The following SLC5A4 variants were observed in gnomAD, a reference collection of about 807,000 sequenced individuals.
The protein encoded by SLC5A4 is solute carrier family 5 member 4, also known as probable glucose sensor protein SLC5A4.
Under a neutral mutation model 70.3 loss-of-function variants are expected in SLC5A4, and 55 were observed. That is an observed-to-expected ratio of 0.78 (90% CI 0.63 to 0.98). The LOEUF is 0.98. Among genes scored for constraint, SLC5A4 ranks in the 50% least tolerant of loss-of-function variants. The probability of loss-of-function intolerance (pLI) is 0.00; values close to 1 mark genes in which losing one functional copy is unlikely to be tolerated. For synonymous variants in SLC5A4, 268 were observed against 305.7 expected (o/e 0.88, Z 1.29); for missense variants, 735 against 839.2 (o/e 0.88, Z 1.53).
chr22:32,238,692 T>C (rs968695650), intron 6 of SLC5A4, among the ~76,000 whole-genome samples: 1 of 152,182 alleles, frequency 6.6e-6, no homozygotes, highest in East Asian at 1.9e-4. Flanking sequence ...GTGGATGATA[T>C]GCTGAATTCG....
At chr22:32,269,532 T>C in the SLC5A4 span, 2 of 615,014 alleles carry the variant, frequency 3.3e-6, no homozygotes, top group African/African-American at 3.7e-5. The surrounding 1 kb of genome is among the most constrained non-coding windows in gnomAD (Gnocchi z 4.1). Flanking sequence ...TGCTCCATCG[T>C]GGCCATCTTG....
chr22:32,339,684 T>C, the SLC5A4 span, among the ~76,000 whole-genome samples: 1 of 152,034 alleles, frequency 6.6e-6, no homozygotes, highest in Non-Finnish European at 1.5e-5. Flanking sequence ...CGAAAGACCT[T>C]CACAAATGGT....
the SLC5A4 span, among the ~76,000 whole-genome samples, chr22:32,343,737 C>T: frequency 6.6e-6 from 1 of 152,098 alleles, no homozygotes; most frequent in East Asian, 1.9e-4. Flanking sequence ...TGAGGCAGCA[C>T]TAGATAAATT....
chr22:32,292,236 ATATATAAT>A, the SLC5A4 span, among the ~76,000 whole-genome samples: 2 of 59,326 alleles, frequency 3.4e-5, no homozygotes, highest in East Asian at 3.6e-4. Flanking sequence ...TATATATTAT[ATATATAAT>A]ATATACTAGA....
chr22:32,237,164 A>T, intron 7 of SLC5A4, 80 bp downstream of exon 7: 1 of 962,936 alleles, frequency 1.0e-6, no homozygotes. Flanking sequence ...AAGGCATCCC[A>T]ATAAAGAGCA....
chr22:32,219,974 G>A (rs1011925373), intron 14 of SLC5A4, among the ~76,000 whole-genome samples: 1 of 151,240 alleles, frequency 6.6e-6, no homozygotes, highest in Non-Finnish European at 1.5e-5. Flanking sequence ...ATGAAAAAAT[G>A]GAAACTCTAA....
the SLC5A4 span, among the ~76,000 whole-genome samples, chr22:32,299,388 G>C: frequency 1.7e-4 from 22 of 128,638 alleles, no homozygotes; most frequent in Non-Finnish European, 3.0e-4. Flanking sequence ...TTCCCTTCTC[G>C]CTTCATTTCA....
chr22:32,330,653 G>A, the SLC5A4 span, among the ~76,000 whole-genome samples: 1 of 103,918 alleles, frequency 9.6e-6, no homozygotes, highest in Non-Finnish European at 1.9e-5. Flanking sequence ...CTCTGTATTG[G>A]GGCTCTGGTG....
At chr22:32,241,031 A>G (rs1250819447) in intron 5 of SLC5A4, among the ~76,000 whole-genome samples, 2 of 149,020 alleles carry the variant, frequency 1.3e-5, no homozygotes, top group African/African-American at 5.2e-5. Context: ...ATTAGATGAC[A>G]GGGTATTTCC....
At chr22:32,316,344 G>A in the SLC5A4 span, among the ~76,000 whole-genome samples, 1 of 152,132 alleles carries the variant, frequency 6.6e-6, no homozygotes, top group Non-Finnish European at 1.5e-5. Context: ...ATCAGACAAA[G>A]CTGAAGTCAG....
the SLC5A4 span, among the ~76,000 whole-genome samples, chr22:32,291,193 G>C: frequency 1.6e-4 from 13 of 81,946 alleles, no homozygotes; most frequent in East Asian, 4.4e-3. Context: ...TATATACTTT[G>C]TGTTTGACTG....
At chr22:32,317,416 GAAGA>G in the SLC5A4 span, among the ~76,000 whole-genome samples, 1 of 152,140 alleles carries the variant, frequency 6.6e-6, no homozygotes, top group Non-Finnish European at 1.5e-5. Flanking sequence ...GTTAACAGCA[GAAGA>G]AAGGAACTCA....
the SLC5A4 span, among the ~76,000 whole-genome samples, chr22:32,287,642 CTTTT>C: frequency 6.9e-6 from 1 of 144,380 alleles, no homozygotes; most frequent in Non-Finnish European, 1.5e-5. Context: ...TTGTTTCTTT[CTTTT>C]TTCTTTTTCT....
intron 2 of SLC5A4, among the ~76,000 whole-genome samples, chr22:32,252,446 A>G (rs1305353739): frequency 6.6e-6 from 1 of 152,218 alleles, no homozygotes; most frequent in East Asian, 1.9e-4. Context: ...GTGAAATTGT[A>G]AACTTGTGAA....
chr22:32,239,143 C>G, intron 5 of SLC5A4, 53 bp from the exon 6 acceptor site: 1 of 1,299,356 alleles, frequency 7.7e-7, no homozygotes, highest in South Asian at 1.2e-5. Context: ...AGGCCACTGG[C>G]TTCTCTGCCC....
At chr22:32,241,803 G>GTATGTATATA (rs1555989949) in intron 5 of SLC5A4, among the ~76,000 whole-genome samples, 4 of 147,914 alleles carry the variant, frequency 2.7e-5, no homozygotes, top group Non-Finnish European at 3.0e-5. Flanking sequence ...GTGTGTGTGT[G>GTATGTATATA]TATATATATC....
chr22:32,254,423 C>A (rs1927351532), intron 1 of SLC5A4, among the ~76,000 whole-genome samples: 1 of 152,224 alleles, frequency 6.6e-6, no homozygotes, highest in African/African-American at 2.4e-5. Context: ...TTAAAAAAAT[C>A]ATAATCCTTA....
chr22:32,325,110 G>A, the SLC5A4 span, among the ~76,000 whole-genome samples: 1 of 152,244 alleles, frequency 6.6e-6, no homozygotes, highest in African/African-American at 2.4e-5. Flanking sequence ...AGACCCCGAG[G>A]CCCAGGCCCA....
chr22:32,239,685 A>G (rs1926396806), intron 5 of SLC5A4, among the ~76,000 whole-genome samples: 2 of 141,816 alleles, frequency 1.4e-5, no homozygotes, highest in Admixed American at 7.7e-5. Context: ...TATTAAGGGC[A>G]AAACCACAAT....
Sources: gnomAD v4.1 joint callset for allele counts (sites outside exome capture counted in the v4.1 genomes callset) on GRCh38, gnomAD v4.1.1 for gene constraint, Gnocchi (gnomAD v3.1) non-coding constraint, MANE v1.5 for transcripts, NCBI Gene and HGNC (gene_info 2026-07-23, HGNC 2026-07-21) for gene names.